Variants in IST1 observed in about 807,000 individuals in gnomAD.
The protein encoded by IST1 is IST1 homolog.
In IST1, 23 loss-of-function variants were observed where a neutral mutation model predicts 37.0. The ratio of observed to expected loss-of-function variants is 0.62; its 90% CI spans 0.45 to 0.88. The LOEUF is 0.88. Among genes scored for constraint, IST1 ranks in the 40% least tolerant of loss-of-function variants. The pLI, the probability that IST1 is intolerant of heterozygous loss-of-function variation, is 0.00. For missense variants in IST1, 488 were observed against 445.4 expected, an observed-to-expected ratio of 1.10 and a Z score of -0.86; for synonymous variants, 180 against 161.7, an observed-to-expected ratio of 1.11 and a Z score of -0.86.
chr16:71,910,582 G>A (rs919081126), intron 1 of IST1, among the ~76,000 whole-genome samples: 6 of 150,738 alleles, frequency 4.0e-5, no homozygotes, highest in Non-Finnish European at 7.4e-5. Context: ...CTCCAGCCTG[G>A]GTGACAGAGC....
At chr16:71,902,576 C>G (rs2037132816) in intron 1 of IST1, among the ~76,000 whole-genome samples, 1 of 152,114 alleles carries the variant, frequency 6.6e-6, no homozygotes, top group African/African-American at 2.4e-5. Context: ...AGCCTAGATT[C>G]AATTTTTGTA....
chr16:71,929,558 C>CT lies in IST1; in HGVS notation c.*1747dup. On this transcript the variant is annotated 3_prime_UTR_variant, in exon 10 of 10. Coordinates refer to ENST00000378799, the MANE Select transcript of IST1 (RefSeq NM_001270975.2). ...CAGGATTAAGGTAGTTCATCTAAAA[C>CT]TTCAGTGTCACTGCCCACTGCTGTC... is the stretch of plus-strand genomic sequence containing the variant. 1 of 1,551,144 alleles carries CT rather than the reference C, an allele frequency of 6.4e-7. No homozygotes were observed. Among genetic ancestry groups the CT allele is most frequent in the Non-Finnish European group, 8.7e-7 (1 of 1,146,860 alleles).
intron 1 of IST1, among the ~76,000 whole-genome samples, chr16:71,910,862 C>T (rs1378411809): frequency 1.3e-5 from 2 of 152,060 alleles, no homozygotes; most frequent in African/African-American, 2.4e-5. Context: ...CTCTACTTTC[C>T]AGAGTTAACA....
rs112962145 is a variant in IST1 at position 71,921,769 on chromosome 16, C to G, written c.552+316C>G. On this transcript the variant is annotated intron_variant, in intron 6 of 9. Transcript: ENST00000378799. The stretch of plus-strand genomic sequence containing the variant: ...AATGCCCCAAGACCCAAACAGTTCC[C>G]GAAACATTTATTGGGTACCCACCAT... The G allele has an allele frequency of 1.4e-3, 372 of 268,876 alleles. 2 individuals carry two copies. The highest frequency in any genetic ancestry group is 7.5e-3 in the African/African-American group (342 of 45,478). The allele number at this position is 268,876 out of a possible 1,614,324, so 16.7% of individuals were successfully genotyped here. A position where few individuals can be genotyped will look rare whatever the true frequency, so the allele number is the denominator to read the frequency against.
intron 1 of IST1, among the ~76,000 whole-genome samples, chr16:71,898,267 C>T (rs1211703273): frequency 6.7e-6 from 1 of 149,322 alleles, no homozygotes; most frequent in East Asian, 2.0e-4. Flanking sequence ...ATCCCAGCTA[C>T]TTGGGAGGCC....
At chr16:71,923,592 A>G (rs573385182) in intron 8 of IST1, 8 of 407,104 alleles carry the variant, frequency 2.0e-5, no homozygotes, top group African/African-American at 1.0e-4. Flanking sequence ...TTTGTCTGCA[A>G]TTAAGCCAGG....
rs868806928 is a variant in IST1 at position 71,922,734 on chromosome 16, T to C, written c.759+54T>C. The stretch of plus-strand genomic sequence containing the variant: ...TTTAGAAAATGTTATAGATAACAAG[T>C]TGGCTCTGTGAACACACTCAGGAAT... On this transcript the variant is annotated intron_variant, in intron 7 of 9. Transcript: ENST00000378799. 8.3e-5 allele frequency: 121 copies of C among 1,456,518 alleles called. 1 individual carries two copies. The African/African-American group carries it at 1.3e-3, about 15-fold the overall frequency. 90.2% of individuals were successfully genotyped at this position (1,456,518 alleles called of 1,614,324 possible).
chr16:71,922,288 TG>T (rs1405431244), intron 6 of IST1, among the ~76,000 whole-genome samples, 185 bp from the exon 7 acceptor site: 1 of 152,246 alleles, frequency 6.6e-6, no homozygotes, highest in Non-Finnish European at 1.5e-5. Context: ...CTGAGGCCTT[TG>T]TTGTGACTGT....
Position 71,922,626 on chromosome 16 carries a change from C to T in IST1, c.705C>T (p.Pro235=), listed in dbSNP as rs28701631. Residue 235 remains proline, a synonymous_variant, in exon 7 of 10, where the codon CCC becomes CCT. Coordinates refer to ENST00000378799, the MANE Select transcript of IST1 (RefSeq NM_001270975.2). ...CGGTGCCAATGCCCATGCCCATGCC[C>T]ATGCCTATGCCATCTGCAAATACGC... The part of the protein sequence containing the change: ...DGTVPMPMPM[P]MPMPSANTPF... The T allele has an allele frequency of 4.0e-5, 64 of 1,580,970 alleles. No homozygotes were observed. In the East Asian group the frequency reaches 9.2e-4, roughly 23 times the overall value.
At chr16:71,920,636 T>C in intron 4 of IST1, 103 bp from the exon 5 acceptor site, 4 of 760,948 alleles carry the variant, frequency 5.3e-6, no homozygotes, top group Non-Finnish European at 9.0e-6. Context: ...TCCAGTGTTT[T>C]GGAAATCTTG....
intron 1 of IST1, among the ~76,000 whole-genome samples, chr16:71,915,318 G>T (rs2037444001): frequency 6.6e-6 from 1 of 151,996 alleles, no homozygotes; most frequent in Admixed American, 6.5e-5. Flanking sequence ...TTTCAGCTGT[G>T]CCTTTAAAGT....
rs138051212 is a variant in IST1 at position 71,923,433 on chromosome 16, G to A, written c.852+53G>A. On this transcript the variant is annotated intron_variant, in intron 8 of 9. Transcript: ENST00000378799. ...AACAGGAGAGTGAATGCCATGAAGA[G>A]CGAGCAAAATAATGACCACAGGGAA... 1.9e-3 allele frequency: 2,169 copies of A among 1,158,818 alleles called. 8 individuals carry two copies. The highest frequency in any genetic ancestry group is 2.3e-3 in the Non-Finnish European group (1,816 of 773,622). The allele number at this position is 1,158,818 out of a possible 1,614,324, so 71.8% of individuals were successfully genotyped here. A position where few individuals can be genotyped will look rare whatever the true frequency, so the allele number is the denominator to read the frequency against.
intron 1 of IST1, among the ~76,000 whole-genome samples, chr16:71,902,865 G>T (rs1293328583): frequency 6.6e-6 from 1 of 151,698 alleles, no homozygotes; most frequent in Non-Finnish European, 1.5e-5. Flanking sequence ...TAGTTTCCTT[G>T]ATTTTTTTTC....
chr16:71,895,004 G>A (rs2036932996), upstream of IST1: 1 of 604,654 alleles, frequency 1.7e-6, no homozygotes, highest in African/African-American at 1.9e-5. Context: ...TTAAAAGCGG[G>A]GCGGGGGAAC....
intron 1 of IST1, among the ~76,000 whole-genome samples, chr16:71,914,094 C>T (rs531730419): frequency 7.7e-6 from 1 of 130,142 alleles, no homozygotes; most frequent in Admixed American, 8.2e-5. Context: ...AGGCGTGAGC[C>T]ACTGCGCCCG....
chr16:71,911,436 G>A (rs1050946168), intron 1 of IST1, among the ~76,000 whole-genome samples: 2 of 152,008 alleles, frequency 1.3e-5, no homozygotes, highest in Non-Finnish European at 2.9e-5. Context: ...CGGAGGCTGA[G>A]GCAAGAGAAT....
intron 1 of IST1, among the ~76,000 whole-genome samples, chr16:71,912,574 T>C (rs1050574656): frequency 6.6e-6 from 1 of 152,222 alleles, no homozygotes; most frequent in African/African-American, 2.4e-5. Flanking sequence ...GTTAATAGTT[T>C]TATTTTAGCT....
rs566072164 is a variant in IST1 at position 71,927,935 on chromosome 16, T to C, written c.*122T>C. 2.0e-3 allele frequency: 1,398 copies of C among 698,294 alleles called. 30 individuals carry two copies. The South Asian group carries it at 0.023, about 12-fold the overall frequency. 43.3% of individuals were successfully genotyped at this position (698,294 alleles called of 1,614,324 possible). A position where few individuals can be genotyped will look rare whatever the true frequency, so the allele number is the denominator to read the frequency against. On this transcript the variant is annotated 3_prime_UTR_variant, in exon 10 of 10. Transcript: ENST00000378799. ...AACCGTCACTCAGCACAACACTCCC[T>C]CTGGGCTCTCTTCCTGCTCCTCCAG...
At chr16:71,906,318 G>A in intron 1 of IST1, among the ~76,000 whole-genome samples, 1 of 149,550 alleles carries the variant, frequency 6.7e-6, no homozygotes, top group Non-Finnish European at 1.5e-5. Context: ...GTTTTGTTTT[G>A]TTTTTTGAGA....
Sources: allele counts gnomAD v4.1 joint callset (sites outside exome capture counted in the v4.1 genomes callset), GRCh38; gene constraint gnomAD v4.1.1; transcripts MANE v1.5; gene names NCBI Gene and HGNC (gene_info 2026-07-23, HGNC 2026-07-21).